CDH12: variants seen among roughly 807,000 people sequenced by gnomAD.
CDH12 encodes cadherin 12.
CDH12 carries 41 observed loss-of-function variants against 74.1 expected under a neutral mutation model. The ratio of observed to expected loss-of-function variants is 0.55; its 90% CI spans 0.43 to 0.72. The LOEUF (loss-of-function observed/expected upper bound fraction) is 0.72, where lower values mean the gene tolerates loss of function less well. CDH12 is among the 30% of genes least tolerant of loss of function. The pLI is 0.00. For synonymous variants in CDH12, 399 were observed against 355.0 expected (o/e 1.12, Z -1.39); for missense variants, 945 against 977.2 (o/e 0.97, Z 0.44).
rs528032603 is a variant in CDH12 at position 22,044,254 on chromosome 5, G to T, written c.231+34192C>A. 5.3e-5 allele frequency among the ~76,000 whole-genome samples: 8 copies of T among 152,270 alleles called. No homozygotes were observed. In the South Asian group the frequency reaches 1.7e-3, roughly 32 times the overall value. ...ACAAAAACAGACAGATGGACCCATG[G>T]AGAATGTATTAGTCCATTTTCACAC... On this transcript the variant is annotated intron_variant, in intron 5 of 14. Coordinates refer to ENST00000382254, the MANE Select transcript of CDH12 (RefSeq NM_004061.5).
At chr5:22,746,041 A>G (rs1745279799) in intron 1 of CDH12, among the ~76,000 whole-genome samples, 1 of 152,202 alleles carries the variant, frequency 6.6e-6, no homozygotes. Flanking sequence ...AGATATAATA[A>G]TAGGTCCATG....
At chr5:22,270,362 G>A (rs1253969712) in intron 3 of CDH12, among the ~76,000 whole-genome samples, 1 of 152,110 alleles carries the variant, frequency 6.6e-6, no homozygotes, top group Non-Finnish European at 1.5e-5. Context: ...TTGGGAGGCT[G>A]AGGTGGGCGG....
At chr5:22,319,012 A>C (rs1463464029) in intron 3 of CDH12, among the ~76,000 whole-genome samples, 4 of 152,196 alleles carry the variant, frequency 2.6e-5, no homozygotes, top group Non-Finnish European at 5.9e-5. Context: ...AATCTTATGT[A>C]ATATGACTTT....
At chr5:22,256,062 T>C (rs1394968711) in intron 3 of CDH12, among the ~76,000 whole-genome samples, 2 of 152,120 alleles carry the variant, frequency 1.3e-5, no homozygotes, top group Non-Finnish European at 2.9e-5. Context: ...TGCATCAACA[T>C]ATATATGAGG....
chr5:22,061,692 C>T lies in CDH12; in HGVS notation c.231+16754G>A, dbSNP rs559454964. Among the ~76,000 whole-genome samples the T allele has an allele frequency of 2.3e-4, 35 of 152,084 alleles. No homozygotes were observed. The South Asian group carries it at 7.1e-3, about 31-fold the overall frequency. Reference sequence around the variant, plus strand: ...CAGAGAGTACTGTCTTCCAAGAAATCCAACTAATATTCTAGAGAAAAGATT... The same window carrying T: ...CAGAGAGTACTGTCTTCCAAGAAATTCAACTAATATTCTAGAGAAAAGATT... On this transcript the variant is annotated intron_variant, in intron 5 of 14. Transcript: ENST00000382254.
chr5:22,114,489 A>G (rs1010109201), intron 4 of CDH12, among the ~76,000 whole-genome samples: 2 of 152,216 alleles, frequency 1.3e-5, no homozygotes, highest in African/African-American at 4.8e-5. Flanking sequence ...ATTCCTAAAG[A>G]AAATGAGTAT....
At chr5:22,117,811 C>G (rs1292725402) in intron 4 of CDH12, among the ~76,000 whole-genome samples, 1 of 110,970 alleles carries the variant, frequency 9.0e-6, no homozygotes, top group Admixed American at 9.3e-5. Flanking sequence ...AAGCAATATC[C>G]TATGTGAAAA....
intron 1 of CDH12, among the ~76,000 whole-genome samples, chr5:22,735,995 T>C (rs1014777406): frequency 6.6e-5 from 10 of 151,976 alleles, no homozygotes; most frequent in African/African-American, 2.4e-4. Flanking sequence ...CCAACATAAA[T>C]ATAATTCATA....
At chr5:22,392,402 C>A (rs1331923709) in intron 3 of CDH12, among the ~76,000 whole-genome samples, 1 of 152,158 alleles carries the variant, frequency 6.6e-6, no homozygotes, top group African/African-American at 2.4e-5. Context: ...TCAACTGCTT[C>A]TGTACCATTA....
intron 1 of CDH12, among the ~76,000 whole-genome samples, chr5:22,732,355 T>C (rs2127005141): frequency 6.6e-6 from 1 of 151,814 alleles, no homozygotes; most frequent in East Asian, 1.9e-4. Flanking sequence ...AGACCTTGTG[T>C]CCAAATATTG....
intron 5 of CDH12, among the ~76,000 whole-genome samples, chr5:21,998,039 GA>G (rs1736396581): frequency 6.6e-6 from 1 of 152,076 alleles, no homozygotes; most frequent in South Asian, 2.1e-4. Context: ...GTCTGGATCA[GA>G]TGGTTTAAGG....
At chr5:21,840,391 C>T (rs1402613492) in intron 8 of CDH12, among the ~76,000 whole-genome samples, 1 of 151,434 alleles carries the variant, frequency 6.6e-6, no homozygotes, top group Non-Finnish European at 1.5e-5. Context: ...TAACCCTAGG[C>T]ATGAATCTCA....
intron 6 of CDH12, among the ~76,000 whole-genome samples, chr5:21,864,570 A>G (rs1329074731): frequency 6.6e-6 from 1 of 152,170 alleles, no homozygotes. Flanking sequence ...TCTCTTCATG[A>G]TAAACTTCCC....
Position 22,357,941 on chromosome 5 carries a change from TTC to T in CDH12, c.-333+47314_-333+47315del. On this transcript the variant is annotated intron_variant, in intron 3 of 14. Transcript: ENST00000382254. ...TAACCTTATAAAAATTCATGAGCATTTCTGTTTGGTATTTAATGTATATCTCA... is the reference window on the plus strand; with the variant it reads ...TAACCTTATAAAAATTCATGAGCATTTGTTTGGTATTTAATGTATATCTCA... Among the ~76,000 whole-genome samples the T allele has an allele frequency of 2.0e-5, 3 of 152,268 alleles. No individual in the cohort carries two copies. The East Asian group carries it at 5.8e-4, about 29-fold the overall frequency.
intron 6 of CDH12, among the ~76,000 whole-genome samples, chr5:21,964,520 A>C (rs1198361646): frequency 1.3e-5 from 2 of 151,994 alleles, no homozygotes; most frequent in Admixed American, 6.6e-5. Flanking sequence ...AATCTTTGGA[A>C]GTCTTTCTTC....
chr5:22,726,036 A>T lies in CDH12; in HGVS notation c.-523+127022T>A, dbSNP rs536537108. Among the ~76,000 whole-genome samples, 10 of 151,826 alleles carry T rather than the reference A, an allele frequency of 6.6e-5. No homozygotes were observed. In the South Asian group the frequency reaches 1.5e-3, roughly 22 times the overall value. ...AGTGGCACATACGTTGCAACTGATG[A>T]ACCTACATTGACACATCATTATCAA... On this transcript the variant is annotated intron_variant, in intron 1 of 14. Transcript: ENST00000382254.
chr5:22,453,791 C>A (rs975764596), intron 2 of CDH12, among the ~76,000 whole-genome samples: 1 of 152,040 alleles, frequency 6.6e-6, no homozygotes, highest in Non-Finnish European at 1.5e-5. Context: ...GCTAATTATT[C>A]TGATTTGATC....
At chr5:22,326,102 G>A (rs943159110) in intron 3 of CDH12, among the ~76,000 whole-genome samples, 4 of 152,134 alleles carry the variant, frequency 2.6e-5, no homozygotes, top group African/African-American at 9.7e-5. Context: ...GATACTAAGT[G>A]CAGTTAAGAA....
chr5:21,828,548 C>A (rs1748809908), intron 8 of CDH12, among the ~76,000 whole-genome samples: 1 of 152,092 alleles, frequency 6.6e-6, no homozygotes, highest in East Asian at 1.9e-4. Flanking sequence ...TGGTCTCTTC[C>A]CATGTATATT....
Sources: allele counts gnomAD v4.1 joint callset (sites outside exome capture counted in the v4.1 genomes callset), GRCh38; gene constraint gnomAD v4.1.1; transcripts MANE v1.5; gene names NCBI Gene and HGNC (gene_info 2026-07-23, HGNC 2026-07-21).